The following DHX35 variants were observed in gnomAD, a reference collection of about 807,000 sequenced individuals.
The protein encoded by DHX35 is DEAH-box helicase 35.
A neutral mutation model predicts 99.6 loss-of-function variants in DHX35; 84 were observed. The ratio of observed to expected loss-of-function variants is 0.84; its 90% CI spans 0.71 to 1.01. The LOEUF (loss-of-function observed/expected upper bound fraction) is 1.01. Ranked by LOEUF, DHX35 falls within the 50% of genes least tolerant of loss-of-function variation. The probability of loss-of-function intolerance (pLI) is 0.00; values close to 1 mark genes in which losing one functional copy is unlikely to be tolerated. For synonymous variants in DHX35, 331 were observed against 316.2 expected (o/e 1.05, Z -0.50); for missense variants, 852 against 888.5 (o/e 0.96, Z 0.52).
chr20:38,991,761 A>G (rs902572668), intron 6 of DHX35, among the ~76,000 whole-genome samples: 1 of 152,014 alleles, frequency 6.6e-6, no homozygotes, highest in African/African-American at 2.4e-5. Flanking sequence ...TGTCCTTTTT[A>G]TTTTGCCTTG....
intron 6 of DHX35, 147 bp from the exon 7 acceptor site, chr20:38,992,209 C>T: frequency 3.3e-6 from 2 of 597,030 alleles, no homozygotes; most frequent in Non-Finnish European, 5.9e-6. Flanking sequence ...TAAGAATTGC[C>T]TCATTGTCAA....
intron 8 of DHX35, among the ~76,000 whole-genome samples, chr20:38,999,661 C>G (rs146044795): frequency 7.3e-4 from 111 of 152,354 alleles, no homozygotes; most frequent in Non-Finnish European, 1.3e-3. Context: ...CCAGTTCCCA[C>G]CAGCTGTATC....
intron 16 of DHX35, among the ~76,000 whole-genome samples, chr20:39,023,109 A>C (rs1188795864): frequency 6.6e-6 from 1 of 152,194 alleles, no homozygotes; most frequent in African/African-American, 2.4e-5. Context: ...GGAGAGAGAC[A>C]AGAACACTAA....
intron 13 of DHX35, among the ~76,000 whole-genome samples, chr20:39,012,154 C>T (rs538720788): frequency 3.3e-5 from 5 of 152,044 alleles, no homozygotes; most frequent in African/African-American, 1.2e-4. Context: ...AGGCTTGAGG[C>T]AGGAGAAACG....
chr20:38,982,785 G>T (rs1001811827), intron 3 of DHX35, among the ~76,000 whole-genome samples: 2 of 152,102 alleles, frequency 1.3e-5, no homozygotes, highest in Admixed American at 1.3e-4. Context: ...AGTAATACAT[G>T]TTCATTGTAA....
chr20:39,027,286 C>T (rs375688720), intron 18 of DHX35, among the ~76,000 whole-genome samples: 30 of 152,112 alleles, frequency 2.0e-4, no homozygotes, highest in African/African-American at 6.7e-4. Flanking sequence ...AAATTACATG[C>T]AAATTTAAAA....
chr20:38,978,912 T>A (rs1265924286), intron 3 of DHX35, among the ~76,000 whole-genome samples: 1 of 152,214 alleles, frequency 6.6e-6, no homozygotes, highest in Non-Finnish European at 1.5e-5. Flanking sequence ...CTGCGTGTGA[T>A]TATCTAGTTT....
At chr20:38,963,544 C>A (rs930424109) in intron 1 of DHX35, among the ~76,000 whole-genome samples, 3 of 152,184 alleles carry the variant, frequency 2.0e-5, no homozygotes, top group Admixed American at 6.5e-5. Flanking sequence ...TATTTGCATC[C>A]AAAACTAGGA....
intron 16 of DHX35, among the ~76,000 whole-genome samples, chr20:39,022,145 T>C (rs78337571): frequency 6.6e-6 from 1 of 152,084 alleles, no homozygotes; most frequent in Non-Finnish European, 1.5e-5. Context: ...GAAGTAGATA[T>C]TATTATCATA....
chr20:39,016,991 GTACT>G (rs1481547896), intron 14 of DHX35, among the ~76,000 whole-genome samples: 5 of 148,744 alleles, frequency 3.4e-5, no homozygotes. Context: ...TTACTTACAT[GTACT>G]TACTTTTTAC....
At chr20:39,016,780 C>T (rs1361627072) in intron 14 of DHX35, among the ~76,000 whole-genome samples, 1 of 151,596 alleles carries the variant, frequency 6.6e-6, no homozygotes, top group African/African-American at 2.4e-5. Context: ...ATGTTGAGCA[C>T]CTTTTCGTGT....
At chr20:38,996,003 A>G (rs1391309612) in intron 8 of DHX35, among the ~76,000 whole-genome samples, 1 of 152,164 alleles carries the variant, frequency 6.6e-6, no homozygotes, top group Non-Finnish European at 1.5e-5. Context: ...CCTACATTTC[A>G]GCCTCACTGG....
intron 2 of DHX35, among the ~76,000 whole-genome samples, chr20:38,969,730 C>T (rs1028917694): frequency 1.4e-4 from 21 of 152,176 alleles, no homozygotes; most frequent in African/African-American, 4.8e-4. Flanking sequence ...GTTTTATTAG[C>T]GCTCACGAAA....
At position 38,983,871 on chromosome 20, in the gene DHX35, C is replaced by T. The variant is rs1245591127; in HGVS notation, c.345+95C>T. 6 of 1,093,098 alleles carry T rather than the reference C, an allele frequency of 5.5e-6. No individual in the cohort carries two copies. The African/African-American group carries it at 9.5e-5, about 17-fold the overall frequency. The allele number at this position is 1,093,098 out of a possible 1,614,324, so 67.7% of individuals were successfully genotyped here. On this transcript the variant is annotated intron_variant, in intron 4 of 21. Coordinates refer to ENST00000252011, the MANE Select transcript of DHX35 (RefSeq NM_021931.4). ...AAAGGCTTTAAATGAATAGAAGTTG[C>T]TCCTTAAGAGTTTAGGTCTTCAGTT...
At chr20:39,008,025 T>A (rs560510974) in intron 12 of DHX35, among the ~76,000 whole-genome samples, 13 of 152,324 alleles carry the variant, frequency 8.5e-5, no homozygotes, top group African/African-American at 3.1e-4. Flanking sequence ...ATAAAATCCC[T>A]TATGCTTTAA....
intron 1 of DHX35, 126 bp from the exon 2 acceptor site, chr20:38,968,955 T>G (rs2145831608): frequency 8.7e-7 from 1 of 1,151,530 alleles, no homozygotes; most frequent in South Asian, 1.9e-5. Flanking sequence ...GTTGAATACC[T>G]TTGAGTAGTT....
rs149510933 is a variant in DHX35 at position 38,977,028 on chromosome 20, C to A, written c.267+4377C>A. Among the ~76,000 whole-genome samples the A allele has an allele frequency of 1.7e-4, 26 of 152,230 alleles. No individual in the cohort carries two copies. In the East Asian group the frequency reaches 4.8e-3, roughly 28 times the overall value. Reference sequence around the variant, plus strand: ...TGTTGTTGGACACCTAGGCTGATTCCATGTCTCGGCTGTTGTGAATAGTGA... The same window carrying A: ...TGTTGTTGGACACCTAGGCTGATTCAATGTCTCGGCTGTTGTGAATAGTGA... On this transcript the variant is annotated intron_variant, in intron 3 of 21. Coordinates refer to ENST00000252011, the MANE Select transcript of DHX35 (RefSeq NM_021931.4).
At position 39,005,808 on chromosome 20, in the gene DHX35, A is replaced by T. The variant is rs545790615; in HGVS notation, c.1012-338A>T. On this transcript the variant is annotated intron_variant, in intron 11 of 21. Transcript: ENST00000252011. Reference sequence around the variant, plus strand: ...AGATGGAGGGTGATTTACTTTGGTTATGCCAAAGGGAAAAACTAACAAATG... The same window carrying T: ...AGATGGAGGGTGATTTACTTTGGTTTTGCCAAAGGGAAAAACTAACAAATG... Among the ~76,000 whole-genome samples, 3 of 152,336 alleles carry T rather than the reference A, an allele frequency of 2.0e-5. No individual in the cohort carries two copies. The East Asian group carries it at 5.8e-4, about 29-fold the overall frequency.
chr20:38,970,117 C>T (rs2145833894), intron 2 of DHX35, among the ~76,000 whole-genome samples: 1 of 152,264 alleles, frequency 6.6e-6, no homozygotes, highest in Non-Finnish European at 1.5e-5. Context: ...CAGACAGGGT[C>T]TTCCTATATT....
Sources: allele counts gnomAD v4.1 joint callset (sites outside exome capture counted in the v4.1 genomes callset), GRCh38; gene constraint gnomAD v4.1.1; transcripts MANE v1.5; gene names NCBI Gene and HGNC (gene_info 2026-07-23, HGNC 2026-07-21).